SH3D19: variants seen among roughly 807,000 people sequenced by gnomAD.
The protein encoded by SH3D19 is SH3 domain-containing protein 19.
A neutral mutation model predicts 112.1 loss-of-function variants in SH3D19; 58 were observed. That is an observed-to-expected ratio of 0.52 (90% CI 0.42 to 0.64). The LOEUF is 0.64. SH3D19 is among the 30% of genes least tolerant of loss of function. The probability of loss-of-function intolerance (pLI) is 0.00; values close to 1 mark genes in which losing one functional copy is unlikely to be tolerated. For missense variants in SH3D19, 1,090 were observed against 1,263.4 expected, an observed-to-expected ratio of 0.86 and a Z score of 2.08; for synonymous variants, 391 against 448.5, an observed-to-expected ratio of 0.87 and a Z score of 1.62.
intron 3 of SH3D19, among the ~76,000 whole-genome samples, chr4:151,186,307 A>G (rs1370756154): frequency 6.6e-6 from 1 of 152,112 alleles, no homozygotes; most frequent in African/African-American, 2.4e-5. Context: ...TGGGAATTCT[A>G]CTCTTAGCAC....
At chr4:151,246,423 T>A (rs1770950282) in intron 1 of SH3D19, among the ~76,000 whole-genome samples, 1 of 152,236 alleles carries the variant, frequency 6.6e-6, no homozygotes, top group Admixed American at 6.5e-5. Context: ...TAGTGCAGGA[T>A]AGAGCCATTC....
At chr4:151,212,779 T>A (rs1036261291) in intron 2 of SH3D19, among the ~76,000 whole-genome samples, 5 of 152,232 alleles carry the variant, frequency 3.3e-5, no homozygotes, top group Non-Finnish European at 7.3e-5. Flanking sequence ...AGAAATACAT[T>A]TTGTAAGGCC....
intron 1 of SH3D19, among the ~76,000 whole-genome samples, chr4:151,312,823 C>T (rs183046122): frequency 1.3e-5 from 2 of 151,632 alleles, no homozygotes; most frequent in Admixed American, 6.6e-5. Context: ...ATGGTGTGAA[C>T]CCGGGAGGCG....
At chr4:151,205,013 G>A (rs372674719) in intron 2 of SH3D19, among the ~76,000 whole-genome samples, 1 of 152,028 alleles carries the variant, frequency 6.6e-6, no homozygotes, top group Non-Finnish European at 1.5e-5. Context: ...TAGAGACAGG[G>A]TTTCACCATG....
chr4:151,224,311 A>AG (rs1245016246), intron 2 of SH3D19, among the ~76,000 whole-genome samples: 1 of 152,084 alleles, frequency 6.6e-6, no homozygotes, highest in African/African-American at 2.4e-5. Context: ...TCCATCTCAA[A>AG]GAAAAAAAAA....
chr4:151,180,910 CCT>C (rs1419413963), intron 3 of SH3D19, among the ~76,000 whole-genome samples: 20 of 148,146 alleles, frequency 1.4e-4, no homozygotes, highest in African/African-American at 4.9e-4. Flanking sequence ...AGTACAGGTG[CCT>C]GCCACCATGC....
At chr4:151,294,290 G>A (rs142061874) in intron 1 of SH3D19, among the ~76,000 whole-genome samples, 170 of 152,224 alleles carry the variant, frequency 1.1e-3, no homozygotes, top group African/African-American at 3.8e-3. Context: ...ACAATGTTTC[G>A]CACAAAGTAG....
chr4:151,178,345 A>T (rs1760279262), intron 4 of SH3D19, among the ~76,000 whole-genome samples: 1 of 152,142 alleles, frequency 6.6e-6, no homozygotes, highest in Non-Finnish European at 1.5e-5. Context: ...TTTCTCTAGC[A>T]CTCTATGGAA....
At chr4:151,214,757 A>AG (rs1561357044) in intron 2 of SH3D19, among the ~76,000 whole-genome samples, 3 of 13,304 alleles carry the variant, frequency 2.3e-4, no homozygotes, top group Non-Finnish European at 1.6e-3. Flanking sequence ...CTGGCCGGGC[A>AG]GGGGGCTGAC....
chr4:151,127,841 T>C lies in SH3D19; in HGVS notation c.2930-126A>G. The C allele has an allele frequency of 1.4e-5, 7 of 497,524 alleles. 1 individual carries two copies. In the South Asian group the frequency reaches 3.9e-4, roughly 28 times the overall value. The allele number at this position is 497,524 out of a possible 1,614,324, so 30.8% of individuals were successfully genotyped here. ...TATCTTCTCTTCAGAGGTAGTGATATTAGGCAAAGAAAAACATTTTTAAAA... is the reference window on the plus strand; with the variant it reads ...TATCTTCTCTTCAGAGGTAGTGATACTAGGCAAAGAAAAACATTTTTAAAA... On this transcript the variant is annotated intron_variant, in intron 18 of 19. Coordinates refer to ENST00000604030, the MANE Select transcript of SH3D19 (RefSeq NM_001378122.1).
In SH3D19 at chr4:151,121,910, T is replaced by C; in HGVS notation, c.*181A>G. 2.1e-6 allele frequency: 1 copy of C among 485,944 alleles called. No individual in the cohort carries two copies. Among genetic ancestry groups the C allele is most frequent in the South Asian group, 3.4e-5 (1 of 29,566 alleles). 30.1% of individuals were successfully genotyped at this position (485,944 alleles called of 1,614,324 possible). On this transcript the variant is annotated 3_prime_UTR_variant, in exon 20 of 20. Transcript: ENST00000604030. ...TCATGGGTTTCCATGTGCATGTTTC[T>C]ATTGTAATGAAAATTAACTACAAAA...
At chr4:151,187,565 A>G in intron 2 of SH3D19, 102 bp from the exon 3 acceptor site, 1 of 595,148 alleles carries the variant, frequency 1.7e-6, no homozygotes, top group East Asian at 3.5e-5. Context: ...GTGCTAAGCC[A>G]CAAGTTTGAT....
chr4:151,288,738 A>C (rs2150016566), intron 1 of SH3D19, among the ~76,000 whole-genome samples: 1 of 151,546 alleles, frequency 6.6e-6, no homozygotes, highest in Non-Finnish European at 1.5e-5. Flanking sequence ...TAATCTAAGG[A>C]AACATTTAAG....
intron 1 of SH3D19, among the ~76,000 whole-genome samples, chr4:151,239,963 C>A (rs1487996723): frequency 6.6e-6 from 1 of 152,112 alleles, no homozygotes; most frequent in Non-Finnish European, 1.5e-5. Context: ...CTCTAAAATT[C>A]TGCTATGGAA....
intron 14 of SH3D19, among the ~76,000 whole-genome samples, chr4:151,136,253 T>C (rs1420700697): frequency 2.6e-5 from 4 of 152,094 alleles, no homozygotes; most frequent in Non-Finnish European, 5.9e-5. Flanking sequence ...GCTCACACCA[T>C]CCTCCCACTT....
chr4:151,182,649 C>A (rs1017355068), intron 3 of SH3D19, among the ~76,000 whole-genome samples: 1 of 152,152 alleles, frequency 6.6e-6, no homozygotes, highest in Non-Finnish European at 1.5e-5. Flanking sequence ...TCTCTTGATC[C>A]TTCTGGAAAA....
At chr4:151,319,987 G>C (rs1730377161) in intron 1 of SH3D19, among the ~76,000 whole-genome samples, 2 of 152,126 alleles carry the variant, frequency 1.3e-5, no homozygotes. Context: ...AGGGACTGTG[G>C]ATAAGTTGCT....
intron 1 of SH3D19, among the ~76,000 whole-genome samples, chr4:151,308,515 C>T (rs1729137942): frequency 6.6e-6 from 1 of 152,206 alleles, no homozygotes; most frequent in African/African-American, 2.4e-5. Context: ...CCAAAGGGAC[C>T]TGGGATGGGT....
intron 2 of SH3D19, among the ~76,000 whole-genome samples, chr4:151,208,682 T>C (rs1415736869): frequency 1.3e-4 from 1 of 7,890 alleles, no homozygotes; most frequent in Non-Finnish European, 5.7e-3. Flanking sequence ...AGGAAATCTC[T>C]TTTTTTTTTT....
Sources: allele counts gnomAD v4.1 joint callset (sites outside exome capture counted in the v4.1 genomes callset), GRCh38; gene constraint gnomAD v4.1.1; transcripts MANE v1.5; gene names NCBI Gene and HGNC (gene_info 2026-07-23, HGNC 2026-07-21).